Variants in SORBS2 observed in about 807,000 individuals in gnomAD.
The protein encoded by SORBS2 is sorbin and SH3 domain containing 2, also known as sorbin and SH3 domain-containing protein 2.
A neutral mutation model predicts 97.7 loss-of-function variants in SORBS2; 46 were observed. That is an observed-to-expected ratio of 0.47 (90% CI 0.37 to 0.60). SORBS2 has a LOEUF of 0.60. Among genes scored for constraint, SORBS2 ranks in the 20% least tolerant of loss-of-function variants. SORBS2 has a pLI of 0.00. For synonymous variants in SORBS2, 476 were observed against 473.4 expected (o/e 1.01, Z -0.07); for missense variants, 1,316 against 1,282.3 (o/e 1.03, Z -0.40).
chr4:185,932,560 G>A (rs1014030363), intron 1 of SORBS2, among the ~76,000 whole-genome samples: 2 of 152,048 alleles, frequency 1.3e-5, no homozygotes, highest in Admixed American at 6.6e-5. Flanking sequence ...TAAGCCTACC[G>A]CACGGCATTT....
intron 1 of SORBS2, among the ~76,000 whole-genome samples, chr4:185,846,323 C>A (rs542974377): frequency 6.6e-6 from 1 of 152,304 alleles, no homozygotes; most frequent in South Asian, 2.1e-4. Flanking sequence ...CATGTTTCCA[C>A]TAATAATACA....
At chr4:185,669,878 T>A (rs1253618542) in intron 4 of SORBS2, among the ~76,000 whole-genome samples, 2 of 152,150 alleles carry the variant, frequency 1.3e-5, no homozygotes, top group African/African-American at 4.8e-5. Flanking sequence ...AATTTCCAAT[T>A]AACTGATGGC....
intron 2 of SORBS2, among the ~76,000 whole-genome samples, chr4:185,651,125 G>A (rs993837160): frequency 1.3e-5 from 2 of 152,152 alleles, no homozygotes; most frequent in South Asian, 2.1e-4. Context: ...GCAGGGAGAG[G>A]AGCCCTGGGC....
At chr4:185,659,455 C>T (rs1350771849), upstream of SORBS2, among the ~76,000 whole-genome samples, 2 of 151,944 alleles carry the variant, frequency 1.3e-5, no homozygotes, top group Admixed American at 6.5e-5. Context: ...CTTGCTCAGT[C>T]ACCCAGGCTG....
intron 1 of SORBS2, among the ~76,000 whole-genome samples, chr4:185,935,667 G>A (rs2099268572): frequency 6.6e-6 from 1 of 152,144 alleles, no homozygotes; most frequent in Non-Finnish European, 1.5e-5. Flanking sequence ...ATTTGAAGCT[G>A]TCCAGTTAAA....
intron 1 of SORBS2, among the ~76,000 whole-genome samples, chr4:185,820,693 C>A (rs753500597): frequency 1.5e-4 from 23 of 152,198 alleles, no homozygotes; most frequent in African/African-American, 1.9e-4. Context: ...AAAGAGGCAC[C>A]GTGTTCTTTA....
intron 14 of SORBS2, chr4:185,587,933 A>T (rs1266838483): frequency 1.9e-5 from 8 of 431,656 alleles, no homozygotes; most frequent in Non-Finnish European, 8.4e-6. Flanking sequence ...CTAAACAGAA[A>T]TGCTGAGCCT....
At chr4:185,612,015 GAGAT>G (rs2096546320) in intron 11 of SORBS2, 35 bp from the exon 24 acceptor site, 4 of 1,294,988 alleles carry the variant, frequency 3.1e-6, no homozygotes, top group African/African-American at 2.9e-5. Context: ...ATTAGAAACA[GAGAT>G]AGAATAACAT....
At chr4:185,601,053 G>A (rs970314675) in intron 12 of SORBS2, among the ~76,000 whole-genome samples, 1 of 152,100 alleles carries the variant, frequency 6.6e-6, no homozygotes, top group Non-Finnish European at 1.5e-5. Flanking sequence ...GAGAACTTCC[G>A]GAGGAATAAA....
intron 9 of SORBS2, among the ~76,000 whole-genome samples, chr4:185,616,272 A>T (rs1403092173): frequency 6.6e-6 from 1 of 152,238 alleles, no homozygotes; most frequent in Non-Finnish European, 1.5e-5. Context: ...ATTGATTAAA[A>T]GAATTAATCG....
intron 4 of SORBS2, among the ~76,000 whole-genome samples, chr4:185,635,740 A>G (rs1316915095): frequency 6.6e-6 from 1 of 152,264 alleles, no homozygotes; most frequent in Non-Finnish European, 1.5e-5. Context: ...TAAAGGAGCA[A>G]GTGGATAGCA....
At chr4:185,950,000 T>C (rs1348852568) in intron 1 of SORBS2, among the ~76,000 whole-genome samples, 2 of 152,212 alleles carry the variant, frequency 1.3e-5, no homozygotes, top group African/African-American at 4.8e-5. Flanking sequence ...ACGGCCATAA[T>C]CCCAGCACTT....
chr4:185,684,699 C>A lies in SORBS2; in HGVS notation c.-197-5877G>T. 1 of 1,226,864 alleles carries A rather than the reference C, an allele frequency of 8.2e-7. No homozygotes were observed. Among genetic ancestry groups the A allele is most frequent in the South Asian group, 1.3e-5 (1 of 74,340 alleles). The allele number at this position is 1,226,864 out of a possible 1,614,324, so 76.0% of individuals were successfully genotyped here. A position where few individuals can be genotyped will look rare whatever the true frequency, so the allele number is the denominator to read the frequency against. On this transcript the variant is annotated intron_variant, in intron 2 of 20. Transcript: ENST00000284776. The surrounding 1 kb of genome is among the most constrained non-coding windows in gnomAD (Gnocchi z 4.2). ...TTTTTACGTTTAGAACAAAAACAGT[C>A]AGAAGAGCTAGAAGCCATTCAAGTG...
chr4:185,631,782 A>T, intron 4 of SORBS2, among the ~76,000 whole-genome samples: 1 of 117,956 alleles, frequency 8.5e-6, no homozygotes, highest in African/African-American at 3.1e-5. Flanking sequence ...AAAACAAAAA[A>T]CAACAAAAAA....
At chr4:185,776,412 C>T (rs893617233) in intron 1 of SORBS2, among the ~76,000 whole-genome samples, 1 of 152,116 alleles carries the variant, frequency 6.6e-6, no homozygotes, top group Non-Finnish European at 1.5e-5. Flanking sequence ...TGCCTTTACA[C>T]CACCACCAGG....
Position 185,815,327 on chromosome 4 carries a change from G to A in SORBS2, c.-337-39961C>T, listed in dbSNP as rs150306813. Among the ~76,000 whole-genome samples the A allele has an allele frequency of 6.6e-5, 10 of 151,866 alleles. No homozygotes were observed. In the East Asian group the frequency reaches 1.9e-3, roughly 29 times the overall value. ...CTTAGTGTGGAATTTTAAACAACGT[G>A]GTCATAAAGGTATTTTTTATATATA... On this transcript the variant is annotated intron_variant, in intron 1 of 20. Transcript: ENST00000284776.
intron 1 of SORBS2, among the ~76,000 whole-genome samples, chr4:185,950,801 C>T (rs919042756): frequency 6.6e-6 from 1 of 152,106 alleles, no homozygotes; most frequent in Non-Finnish European, 1.5e-5. Flanking sequence ...CGCACTATGG[C>T]CTGCACGGCG....
At chr4:185,735,502 A>AC (rs1211993125) in intron 2 of SORBS2, among the ~76,000 whole-genome samples, 1 of 150,816 alleles carries the variant, frequency 6.6e-6, no homozygotes, top group African/African-American at 2.4e-5. Flanking sequence ...ACACACACAC[A>AC]CTCACACACA....
exon 7 of SORBS2, chr4:185,624,356 A>G: frequency 1.2e-6 from 2 of 1,614,154 alleles, no homozygotes; most frequent in Non-Finnish European, 1.7e-6. Context: ...GCCGTTCTTG[A>G]AACTAATGGC....
Sources: allele counts gnomAD v4.1 joint callset (sites outside exome capture counted in the v4.1 genomes callset), GRCh38; gene constraint gnomAD v4.1.1; non-coding constraint Gnocchi (gnomAD v3.1); transcripts MANE v1.5; gene names NCBI Gene and HGNC (gene_info 2026-07-23, HGNC 2026-07-21).